The following GRAP2 variants were observed in gnomAD, a reference collection of about 807,000 sequenced individuals.
The protein encoded by GRAP2 is GRB2-related adapter protein 2.
A neutral mutation model predicts 43.5 loss-of-function variants in GRAP2; 31 were observed. That is an observed-to-expected ratio of 0.71 (90% CI 0.54 to 0.96). GRAP2 has a LOEUF of 0.96. Ranked by LOEUF, GRAP2 falls within the 40% of genes least tolerant of loss-of-function variation. GRAP2 has a pLI of 0.00. For missense variants in GRAP2, 371 were observed against 424.4 expected, an observed-to-expected ratio of 0.87 and a Z score of 1.11; for synonymous variants, 156 against 164.8, an observed-to-expected ratio of 0.95 and a Z score of 0.41.
chr22:39,924,766 C>G (rs953475434), intron 1 of GRAP2, among the ~76,000 whole-genome samples: 1 of 152,062 alleles, frequency 6.6e-6, no homozygotes, highest in East Asian at 1.9e-4. Flanking sequence ...GTGAGCAGGA[C>G]AATGTGCTAA....
At chr22:39,957,521 TCTC>T (rs1479846082) in intron 3 of GRAP2, among the ~76,000 whole-genome samples, 1 of 152,126 alleles carries the variant, frequency 6.6e-6, no homozygotes, top group Admixed American at 6.5e-5. Flanking sequence ...TAGCAGAAAT[TCTC>T]CTCTCTCTCT....
At chr22:39,896,992 T>C (rs1379213446), upstream of GRAP2, among the ~76,000 whole-genome samples, 1 of 152,198 alleles carries the variant, frequency 6.6e-6, no homozygotes, top group African/African-American at 2.4e-5. Context: ...CTCTCAACTT[T>C]GAAGGAGCCC....
At chr22:39,914,886 T>C (rs1405516337) in intron 1 of GRAP2, among the ~76,000 whole-genome samples, 1 of 151,208 alleles carries the variant, frequency 6.6e-6, no homozygotes, top group Non-Finnish European at 1.5e-5. Flanking sequence ...CACAACCTTA[T>C]AAAAAAAAAT....
intron 1 of GRAP2, among the ~76,000 whole-genome samples, chr22:39,905,854 T>C (rs1056863603): frequency 2.0e-5 from 3 of 152,114 alleles, no homozygotes; most frequent in Non-Finnish European, 4.4e-5. Context: ...GTGATACAAG[T>C]GGAGCTGAGT....
chr22:39,955,092 C>G (rs1213962599), intron 2 of GRAP2, among the ~76,000 whole-genome samples: 2 of 152,200 alleles, frequency 1.3e-5, no homozygotes, highest in African/African-American at 4.8e-5. Context: ...GGCCTGGTGG[C>G]TCACGCCTGT....
chr22:39,962,500 G>T (rs966768383), intron 4 of GRAP2, among the ~76,000 whole-genome samples: 12 of 151,966 alleles, frequency 7.9e-5, no homozygotes, highest in African/African-American at 2.9e-4. Context: ...TTTAACATGC[G>T]TGTATATATA....
At position 39,947,124 on chromosome 22, in the gene GRAP2, G is replaced by A. The variant is rs373663250; in HGVS notation, c.18G>A (p.Lys6=). The change falls in exon 2 of 8, where the codon AAG becomes AAA. Residue 6 remains lysine, a synonymous_variant. Transcript: ENST00000344138. The stretch of plus-strand genomic sequence containing the variant: ...GTTACAGCATGGAAGCTGTTGCCAA[G>A]TTTGATTTCACTGCTTCAGGTGAGG... MEAVA[K]FDFTASGEDE... is the part of the protein sequence containing the mutation. 2.1e-4 allele frequency: 335 copies of A among 1,605,284 alleles called. No individual in the cohort carries two copies. Among genetic ancestry groups the A allele is most frequent in the Non-Finnish European group, 2.6e-4 (310 of 1,171,992 alleles).
chr22:39,903,232 A>G (rs1391418466), intron 1 of GRAP2, among the ~76,000 whole-genome samples: 2 of 152,166 alleles, frequency 1.3e-5, no homozygotes, highest in Non-Finnish European at 2.9e-5. Flanking sequence ...TTGTGCCCCT[A>G]TCAAACAAAC....
chr22:39,933,931 G>A (rs1256657523), intron 1 of GRAP2, among the ~76,000 whole-genome samples: 1 of 152,162 alleles, frequency 6.6e-6, no homozygotes, highest in Non-Finnish European at 1.5e-5. Flanking sequence ...GAATAGGGTG[G>A]AGGAGGAACA....
rs776466675 is a variant in GRAP2, at chr22:39,972,399, A to T, written c.*1315A>T. 11 of 152,282 alleles carry T rather than the reference A, an allele frequency of 7.2e-5. No individual in the cohort carries two copies. The highest frequency in any genetic ancestry group is 1.3e-4 in the Non-Finnish European group (9 of 68,068). 9.4% of individuals were successfully genotyped at this position (152,282 alleles called of 1,614,324 possible). A position where few individuals can be genotyped will look rare whatever the true frequency, so the allele number is the denominator to read the frequency against. ...TGCACATGTGTGCTTGCACGCACAT[A>T]TTTGTGCACTCCTGTGTGTATACAT... is the stretch of plus-strand genomic sequence containing the variant. On this transcript the variant is annotated 3_prime_UTR_variant, in exon 8 of 8. Coordinates refer to ENST00000344138, the MANE Select transcript of GRAP2 (RefSeq NM_004810.4).
chr22:39,922,801 G>A (rs2066664051), intron 1 of GRAP2, among the ~76,000 whole-genome samples: 1 of 152,176 alleles, frequency 6.6e-6, no homozygotes, highest in Admixed American at 6.5e-5. Flanking sequence ...CCCACACTTT[G>A]GGACGCCGAG....
chr22:39,939,289 G>A (rs1036509307), intron 1 of GRAP2, among the ~76,000 whole-genome samples: 4 of 152,172 alleles, frequency 2.6e-5, no homozygotes, highest in East Asian at 1.9e-4. Flanking sequence ...CTGGCCTGGC[G>A]CGGTGGCTCG....
intron 1 of GRAP2, among the ~76,000 whole-genome samples, chr22:39,922,736 T>C (rs774168213): frequency 1.3e-5 from 2 of 152,150 alleles, no homozygotes; most frequent in Non-Finnish European, 1.5e-5. Flanking sequence ...GATGGAAAGA[T>C]GGAAATCAAT....
intron 3 of GRAP2, among the ~76,000 whole-genome samples, chr22:39,957,988 A>G (rs2067076182): frequency 1.3e-5 from 2 of 152,014 alleles, no homozygotes; most frequent in African/African-American, 4.8e-5. Flanking sequence ...TCTTAATCCC[A>G]AATCCCCTTC....
intron 1 of GRAP2, among the ~76,000 whole-genome samples, chr22:39,911,824 G>A (rs542923040): frequency 2.6e-5 from 4 of 152,294 alleles, no homozygotes; most frequent in South Asian, 4.1e-4. Context: ...CAACGGCACC[G>A]CCGGGGAGCC....
Position 39,971,803 on chromosome 22 carries a change from C to A in GRAP2, c.*719C>A, listed in dbSNP as rs1051330269. Reference sequence around the variant, plus strand: ...AAGTACTGGGAAATCGAGGGATTTTCCACAATCCCCAAGCAGCTTACTCAG... The same window carrying A: ...AAGTACTGGGAAATCGAGGGATTTTACACAATCCCCAAGCAGCTTACTCAG... On this transcript the variant is annotated 3_prime_UTR_variant, in exon 8 of 8. Coordinates refer to ENST00000344138, the MANE Select transcript of GRAP2 (RefSeq NM_004810.4). The A allele has an allele frequency of 2.0e-5, 3 of 152,222 alleles. No individual in the cohort carries two copies. Among genetic ancestry groups the A allele is most frequent in the Admixed American group, 6.5e-5 (1 of 15,286 alleles). The allele number at this position is 152,222 out of a possible 1,614,324, so 9.4% of individuals were successfully genotyped here. A position where few individuals can be genotyped will look rare whatever the true frequency, so the allele number is the denominator to read the frequency against.
At chr22:39,934,916 A>G (rs1321654026) in intron 1 of GRAP2, among the ~76,000 whole-genome samples, 1 of 152,216 alleles carries the variant, frequency 6.6e-6, no homozygotes, top group Non-Finnish European at 1.5e-5. Context: ...GTGTAACACA[A>G]TTACAAAATC....
intron 1 of GRAP2, among the ~76,000 whole-genome samples, chr22:39,911,506 A>G (rs1569192300): frequency 1.3e-5 from 2 of 152,060 alleles, no homozygotes; most frequent in Admixed American, 6.6e-5. Context: ...AAGCTAGCTT[A>G]GAAGTTCATA....
rs192208029 is a variant in GRAP2, at chr22:39,957,815, A to G, written c.170+1905A>G. Among the ~76,000 whole-genome samples the G allele has an allele frequency of 6.7e-3, 1,021 of 152,188 alleles. 3 individuals are homozygous for G. The highest frequency in any genetic ancestry group is 0.012 in the Non-Finnish European group (783 of 68,002). ...GCTGGTCGTGGTGGCATGCGCCTATAGTCCCAGCTGCTTGGGAGGCTGAGG... is the reference window on the plus strand; with the variant it reads ...GCTGGTCGTGGTGGCATGCGCCTATGGTCCCAGCTGCTTGGGAGGCTGAGG... On this transcript the variant is annotated intron_variant, in intron 3 of 7. Transcript: ENST00000344138.
Sources: gnomAD v4.1 joint callset for allele counts (sites outside exome capture counted in the v4.1 genomes callset) on GRCh38, gnomAD v4.1.1 for gene constraint, MANE v1.5 for transcripts, NCBI Gene and HGNC (gene_info 2026-07-23, HGNC 2026-07-21) for gene names.